TGIF1: variants seen among roughly 807,000 people sequenced by gnomAD.
TGIF1 encodes TGFB induced factor homeobox 1, also known as homeobox protein TGIF1.
In TGIF1, 4 loss-of-function variants were observed where a neutral mutation model predicts 19.3. The ratio of observed to expected loss-of-function variants is 0.21; its 90% confidence interval spans 0.10 to 0.47. The LOEUF (loss-of-function observed/expected upper bound fraction) is 0.47. TGIF1 is among the 20% of genes least tolerant of loss of function. TGIF1 has a pLI of 0.98. For missense variants in TGIF1, 275 were observed against 341.4 expected (o/e 0.81, Z 1.53); for synonymous variants, 122 against 129.3 (o/e 0.94, Z 0.38).
chr18:3,422,682 T>TG (rs1375746816), intron 2 of TGIF1, among the ~76,000 whole-genome samples: 4 of 126,466 alleles, frequency 3.2e-5, no homozygotes, highest in Non-Finnish European at 6.8e-5. Flanking sequence ...CCTTTTTTTT[T>TG]TTTTTTTTTT....
chr18:3,456,499 G>C lies in TGIF1; in HGVS notation c.162G>C (p.Leu54=), dbSNP rs1332215423. The change falls in exon 2 of 3, where the codon CTG becomes CTC. Residue 54 remains leucine (L), a synonymous_variant. Coordinates refer to ENST00000343820, the MANE Select transcript of TGIF1 (RefSeq NM_003244.4). This position sits in a 1 kb window ranked among gnomAD's most constrained non-coding sequence, Gnocchi z 4.2. ...KESVQILRDW[L]YEHRYNAYPS... ...CTGTGCAGATTCTTCGGGATTGGCTGTATGAGCACCGTTACAATGCCTATC... is the reference window on the plus strand; with the variant it reads ...CTGTGCAGATTCTTCGGGATTGGCTCTATGAGCACCGTTACAATGCCTATC... 1.2e-6 allele frequency: 2 copies of C among 1,614,138 alleles called. No homozygotes were observed. Among genetic ancestry groups the C allele is most frequent in the Non-Finnish European group, 1.7e-6 (2 of 1,180,062 alleles).
Position 3,451,357 on chromosome 18 carries a change from G to A in TGIF1, c.16+852G>A. The A allele has an allele frequency of 4.1e-5, 40 of 984,964 alleles. No individual in the cohort carries two copies. Among genetic ancestry groups the A allele is most frequent in the Non-Finnish European group, 4.8e-5 (40 of 829,906 alleles). 61.0% of individuals were successfully genotyped at this position (984,964 alleles called of 1,614,324 possible). A position where few individuals can be genotyped will look rare whatever the true frequency, so the allele number is the denominator to read the frequency against. Reference sequence around the variant, plus strand: ...CAAAATACACCGGAGGGGGACGGGGGGTGGAGAAACCACACAAAACACCCC... The same window carrying A: ...CAAAATACACCGGAGGGGGACGGGGAGTGGAGAAACCACACAAAACACCCC... On this transcript the variant is annotated intron_variant, in intron 1 of 2. Transcript: ENST00000343820. The surrounding 1 kb of genome is among the most constrained non-coding windows in gnomAD (Gnocchi z 5.4).
upstream of TGIF1, among the ~76,000 whole-genome samples, chr18:3,445,723 C>CAAAAAAAAAAA (rs141550400): frequency 1.7e-3 from 30 of 17,666 alleles, no homozygotes; most frequent in East Asian, 3.1e-3. Flanking sequence ...GACTCTGTCT[C>CAAAAAAAAAAA]AAAAAAAAAA....
At chr18:3,433,230 C>G (rs747724981) in intron 2 of TGIF1, among the ~76,000 whole-genome samples, 1 of 151,494 alleles carries the variant, frequency 6.6e-6, no homozygotes, top group Non-Finnish European at 1.5e-5. Flanking sequence ...CATGCCACCA[C>G]GCTGGGCTGA....
chr18:3,452,518 G>T (rs375336693), intron 1 of TGIF1: 1 of 1,340,680 alleles, frequency 7.5e-7, no homozygotes, highest in East Asian at 2.5e-5. Context: ...CCTCTGAGAA[G>T]GTGGGATTCA....
At chr18:3,448,065 A>C (rs2082777440), upstream of TGIF1, 2 of 977,070 alleles carry the variant, frequency 2.0e-6, no homozygotes, top group African/African-American at 3.9e-5. Context: ...CGAGCTGGCT[A>C]AAGCGGGCGG....
In TGIF1 at chr18:3,444,458, TC is replaced by T. The variant is rs1449496252; in HGVS notation, c.-44-11894del. Among the ~76,000 whole-genome samples the T allele has an allele frequency of 2.6e-5, 4 of 152,144 alleles. No homozygotes were observed. The East Asian group carries it at 7.7e-4, about 29-fold the overall frequency. On this transcript the variant is annotated intron_variant, in intron 2 of 3. Transcript: ENST00000401449. ...TCTGCTCCTCTCCCTCCTCCCACCCTCCTCACTCAAGTAAACCCCAGTGTCT... is the reference window on the plus strand; with the variant it reads ...TCTGCTCCTCTCCCTCCTCCCACCCTCTCACTCAAGTAAACCCCAGTGTCT...
At chr18:3,453,947 G>T (rs2083080166) in intron 1 of TGIF1, 3 of 635,956 alleles carry the variant, frequency 4.7e-6, no homozygotes, top group African/African-American at 4.0e-5. Flanking sequence ...GAGGAAAAAA[G>T]TCTTTGTTTT....
upstream of TGIF1, among the ~76,000 whole-genome samples, chr18:3,445,767 A>C: frequency 1.1e-4 from 4 of 37,906 alleles, no homozygotes; most frequent in East Asian, 2.8e-3. Context: ...AAGAAAAGCA[A>C]AAAAAAAAAA....
chr18:3,450,065 T>A, upstream of TGIF1: 1 of 1,015,708 alleles, frequency 9.8e-7, no homozygotes, highest in Non-Finnish European at 1.2e-6. Flanking sequence ...TCTTCCCGGC[T>A]GGAAGGTGCG....
chr18:3,418,411 T>G (rs970355987), intron 2 of TGIF1: 13 of 152,154 alleles, frequency 8.5e-5, no homozygotes, highest in African/African-American at 2.9e-4. Flanking sequence ...CCTCAGAAAT[T>G]AAAATGTGCA....
intron 2 of TGIF1, among the ~76,000 whole-genome samples, chr18:3,425,453 G>A (rs1021640897): frequency 6.6e-6 from 1 of 152,176 alleles, no homozygotes; most frequent in Non-Finnish European, 1.5e-5. Context: ...CCATTATTCC[G>A]AAAGTCATAA....
chr18:3,442,298 A>C (rs968672857), intron 2 of TGIF1, among the ~76,000 whole-genome samples: 2 of 152,192 alleles, frequency 1.3e-5, no homozygotes, highest in Admixed American at 6.5e-5. Context: ...ACTGTGATAA[A>C]TGGAAATGTG....
intron 2 of TGIF1, among the ~76,000 whole-genome samples, chr18:3,434,693 C>T (rs933701220): frequency 1.3e-5 from 2 of 152,074 alleles, no homozygotes; most frequent in East Asian, 1.9e-4. Context: ...CCAGTCTGGG[C>T]GACAGAGTGA....
At chr18:3,436,334 C>T (rs962872267) in intron 2 of TGIF1, among the ~76,000 whole-genome samples, 2 of 152,328 alleles carry the variant, frequency 1.3e-5, no homozygotes, top group Non-Finnish European at 2.9e-5. Context: ...AATCCCACAA[C>T]TTGGGCATAA....
upstream of TGIF1, among the ~76,000 whole-genome samples, chr18:3,446,697 A>G (rs565806384): frequency 6.6e-6 from 1 of 152,348 alleles, no homozygotes; most frequent in African/African-American, 2.4e-5. Context: ...AGATGGCTCT[A>G]GGCCACCCCA....
At chr18:3,452,240 C>T (rs1202295242) in intron 1 of TGIF1, 1 of 1,609,022 alleles carries the variant, frequency 6.2e-7, no homozygotes, top group Non-Finnish European at 8.5e-7. Flanking sequence ...CACCGGCGCG[C>T]TGCCCACAGC....
rs114378990 is a variant in TGIF1 at position 3,452,137 on chromosome 18, C to T, written c.16+1632C>T. On this transcript the variant is annotated intron_variant, in intron 1 of 2. Transcript: ENST00000343820. ...GCTTTTCTGGCGTCCCCCCGACTCT[C>T]CCGCGGCACTTTGGCCTACCTTCCC... The T allele has an allele frequency of 2.2e-3, 3,575 of 1,613,860 alleles. 54 individuals carry two copies. In the African/African-American group the frequency reaches 0.039, roughly 18 times the overall value.
exon 1 of TGIF1, chr18:3,412,151 G>GC (rs1204176414): frequency 6.6e-6 from 1 of 152,356 alleles, no homozygotes; most frequent in East Asian, 1.9e-4. Flanking sequence ...TGCGGTTCCA[G>GC]CCCCGCCGCG....
Sources: gnomAD v4.1 joint callset for allele counts (sites outside exome capture counted in the v4.1 genomes callset) on GRCh38, gnomAD v4.1.1 for gene constraint, Gnocchi (gnomAD v3.1) non-coding constraint, MANE v1.5 for transcripts, NCBI Gene and HGNC (gene_info 2026-07-23, HGNC 2026-07-21) for gene names.